Variants in ABCC12 observed in about 807,000 individuals in gnomAD.
The protein encoded by ABCC12 is ATP binding cassette subfamily C member 12, also known as ATP-binding cassette sub-family C member 12.
A neutral mutation model predicts 151.1 loss-of-function variants in ABCC12; 142 were observed. The ratio of observed to expected loss-of-function variants is 0.94; its 90% CI spans 0.82 to 1.08. The LOEUF (loss-of-function observed/expected upper bound fraction) is 1.08. Among genes scored for constraint, ABCC12 ranks in the 50% least tolerant of loss-of-function variants. The probability of loss-of-function intolerance (pLI) is 0.00; values close to 1 mark genes in which losing one functional copy is unlikely to be tolerated. For missense variants in ABCC12, 1,638 were observed against 1,691.1 expected (o/e 0.97, Z 0.55); for synonymous variants, 645 against 646.4 (o/e 1.00, Z 0.03).
At chr16:48,138,159 C>G (rs980974588) in intron 8 of ABCC12, 69 bp downstream of exon 8, 2 of 1,475,338 alleles carry the variant, frequency 1.4e-6, no homozygotes, top group Non-Finnish European at 1.8e-6. Context: ...CCCTGGGAAC[C>G]GTAAGAACCC....
In ABCC12 at chr16:48,087,940, A is replaced by C. The variant is rs752337941; in HGVS notation, c.3621T>G (p.Phe1207Leu). 1.2e-6 allele frequency: 2 copies of C among 1,613,200 alleles called. No individual in the cohort carries two copies. The highest frequency in any genetic ancestry group is 1.7e-6 in the Non-Finnish European group (2 of 1,179,480). The change falls in exon 27 of 31, where the codon TTT becomes TTG. Residue 1207 changes from phenylalanine (F) to leucine (L), a missense_variant. Transcript: ENST00000311303. Reference sequence around the variant, plus strand: ...AAAACAGCTACCTTACTGTACCTACAAACAGGACAGGATCCTGTGGGATCA... The same window carrying C: ...AAAACAGCTACCTTACTGTACCTACCAACAGGACAGGATCCTGTGGGATCA... ...LTVIPQDPVL[F>L]VGTVRYNLDP...
rs759101835 is a variant in ABCC12, at chr16:48,124,308, C to G, written c.1516-24G>C. On this transcript the variant is annotated intron_variant, in intron 11 of 30. Coordinates refer to ENST00000311303, the MANE Select transcript of ABCC12 (RefSeq NM_001393797.1). ...CCCTGCCAGAGAAACAGAGATGGGA[C>G]ACAGTCACTCTCTCCCACTTCTTAG... The G allele has an allele frequency of 3.4e-5, 54 of 1,608,036 alleles. 1 individual carries two copies. In the South Asian group the frequency reaches 5.9e-4, roughly 18 times the overall value.
chr16:48,147,454 T>G (rs1965040523), intron 2 of ABCC12, among the ~76,000 whole-genome samples: 1 of 152,200 alleles, frequency 6.6e-6, no homozygotes, highest in African/African-American at 2.4e-5. Flanking sequence ...CACATTCCCA[T>G]GAGTTCTTTC....
At chr16:48,088,189 C>T (rs377554256) in intron 26 of ABCC12, 104 bp from the exon 27 acceptor site, 12 of 1,323,544 alleles carry the variant, frequency 9.1e-6, no homozygotes, top group East Asian at 2.5e-5. Flanking sequence ...CAAATGTCTC[C>T]GTAAGGATGA....
chr16:48,096,739 G>T lies in ABCC12; in HGVS notation c.3195+7C>A. The T allele has an allele frequency of 1.2e-6, 2 of 1,613,862 alleles. No homozygotes were observed. The highest frequency in any genetic ancestry group is 1.3e-5 in the African/African-American group (1 of 75,034). ...CAGACTAAGCCCAACTTTGCACCAG[G>T]CATTACCTGGATGATGTATGACAAT... On this transcript the variant is annotated splice_region_variant and intron_variant, in intron 24 of 30. Coordinates refer to ENST00000311303, the MANE Select transcript of ABCC12 (RefSeq NM_001393797.1).
Position 48,107,373 on chromosome 16 carries a change from G to A in ABCC12, c.2424C>T (p.Ser808=), listed in dbSNP as rs556682934. ...CCAGCCACCAGTTGCTGAAGGCAGC[G>A]CTGCCAATCATCAGGAGGAAGAGGA... ...TVFLFLLMIG[S]AAFSNWWLGL... is the part of the protein sequence containing the mutation. The change falls in exon 20 of 31, where the codon AGC becomes AGT. Residue 808 remains serine, a synonymous_variant. Transcript: ENST00000311303. 125 of 1,614,184 alleles carry A rather than the reference G, an allele frequency of 7.7e-5. No individual in the cohort carries two copies. The highest frequency in any genetic ancestry group is 3.1e-4 in the East Asian group (14 of 44,874).
intron 22 of ABCC12, among the ~76,000 whole-genome samples, chr16:48,102,503 C>T (rs150485942): frequency 3.9e-4 from 59 of 152,320 alleles, no homozygotes; most frequent in African/African-American, 1.3e-3. Flanking sequence ...ACATCAAGAA[C>T]TTGGACACCC....
At chr16:48,152,253 TG>T (rs1168218137) in intron 2 of ABCC12, among the ~76,000 whole-genome samples, 2 of 152,196 alleles carry the variant, frequency 1.3e-5, no homozygotes, top group African/African-American at 4.8e-5. Context: ...GCAGAGATGC[TG>T]GGGCTGAAAA....
At chr16:48,131,788 C>T (rs1409025848) in intron 9 of ABCC12, among the ~76,000 whole-genome samples, 1 of 152,196 alleles carries the variant, frequency 6.6e-6, no homozygotes, top group Non-Finnish European at 1.5e-5. Context: ...CGGCCCCAGG[C>T]TTCAACTAAT....
chr16:48,110,385 T>G (rs1963643049), intron 18 of ABCC12, among the ~76,000 whole-genome samples: 1 of 152,100 alleles, frequency 6.6e-6, no homozygotes, highest in South Asian at 2.1e-4. Context: ...TTAAATTTGA[T>G]GAAATGTGCG....
chr16:48,143,776 T>G (rs993150432), intron 4 of ABCC12, 134 bp downstream of exon 4: 5 of 1,175,452 alleles, frequency 4.3e-6, no homozygotes, highest in Non-Finnish European at 5.8e-6. Flanking sequence ...CCACCATGAT[T>G]GTGAGGCCTC....
At chr16:48,123,877 CT>C (rs1169176350) in intron 12 of ABCC12, among the ~76,000 whole-genome samples, 3 of 152,240 alleles carry the variant, frequency 2.0e-5, no homozygotes, top group African/African-American at 7.2e-5. Context: ...AGCTGCCTTG[CT>C]GGCATTTCTA....
chr16:48,093,974 C>T (rs958426791), intron 24 of ABCC12, among the ~76,000 whole-genome samples: 3 of 152,184 alleles, frequency 2.0e-5, no homozygotes, highest in African/African-American at 7.2e-5. Flanking sequence ...CCAAAGGGGG[C>T]TAATGCTCAA....
At chr16:48,126,573 T>G (rs967442899) in intron 11 of ABCC12, among the ~76,000 whole-genome samples, 2 of 152,242 alleles carry the variant, frequency 1.3e-5, no homozygotes, top group Non-Finnish European at 2.9e-5. Flanking sequence ...CAGCTAAGAC[T>G]TACTATGGGC....
At chr16:48,111,995 T>A in intron 15 of ABCC12, 85 bp from the exon 16 acceptor site, 1 of 1,511,216 alleles carries the variant, frequency 6.6e-7, no homozygotes, top group Non-Finnish European at 8.9e-7. Flanking sequence ...GTTACCACTG[T>A]TGACTTTAGG....
At chr16:48,144,937 A>G (rs973771804) in intron 3 of ABCC12, among the ~76,000 whole-genome samples, 5 of 152,170 alleles carry the variant, frequency 3.3e-5, no homozygotes, top group African/African-American at 1.2e-4. Flanking sequence ...CATAGACAAA[A>G]ACATCAAGGC....
intron 3 of ABCC12, 95 bp downstream of exon 3, chr16:48,146,211 G>T: frequency 9.3e-7 from 1 of 1,072,440 alleles, no homozygotes; most frequent in Non-Finnish European, 1.4e-6. Flanking sequence ...AGCAGATAGA[G>T]CAGCAGATGG....
chr16:48,111,423 G>T lies in ABCC12; in HGVS notation c.2281+13C>A. On this transcript the variant is annotated intron_variant, in intron 18 of 30. Transcript: ENST00000311303. ...CTTAAGTGTATGTGACTGAGGGGAT[G>T]TGTGGTAAATACCTTTTGTGTCTAC... is the stretch of plus-strand genomic sequence containing the variant. The T allele has an allele frequency of 6.2e-7, 1 of 1,611,962 alleles. No homozygotes were observed. Among genetic ancestry groups the T allele is most frequent in the Non-Finnish European group, 8.5e-7 (1 of 1,178,006 alleles).
chr16:48,136,147 C>A (rs553791567), intron 8 of ABCC12, among the ~76,000 whole-genome samples: 1 of 152,298 alleles, frequency 6.6e-6, no homozygotes, highest in Admixed American at 6.5e-5. Flanking sequence ...GTGATCAGGG[C>A]AGAATCGAAG....
Sources: gnomAD v4.1 joint callset for allele counts (sites outside exome capture counted in the v4.1 genomes callset) on GRCh38, gnomAD v4.1.1 for gene constraint, MANE v1.5 for transcripts, NCBI Gene and HGNC (gene_info 2026-07-23, HGNC 2026-07-21) for gene names.